CXorf58: variants seen among roughly 807,000 people sequenced by gnomAD.
CXorf58 encodes uncharacterized protein CXorf58.
Under a neutral mutation model 26.0 loss-of-function variants are expected in CXorf58, and 24 were observed. The ratio of observed to expected loss-of-function variants is 0.92; its 90% CI spans 0.67 to 1.30. The LOEUF (loss-of-function observed/expected upper bound fraction) is 1.30. Among genes scored for constraint, CXorf58 ranks in the 50% most tolerant of loss-of-function variants. CXorf58 has a pLI of 0.00. For synonymous variants in CXorf58, 87 were observed against 86.1 expected, an observed-to-expected ratio of 1.01 and a Z score of -0.06; for missense variants, 236 against 263.9, an observed-to-expected ratio of 0.89 and a Z score of 0.73.
intron 7 of CXorf58, among the ~76,000 whole-genome samples, chrX:23,938,124 G>A (rs961296631): frequency 9.1e-6 from 1 of 110,418 alleles, no homozygotes; most frequent in Non-Finnish European, 1.9e-5. Context: ...CTGACCTCAG[G>A]TGATCCGCTT....
intron 2 of CXorf58, among the ~76,000 whole-genome samples, chrX:23,910,750 T>A (rs1927553364): frequency 1.0e-5 from 1 of 100,486 alleles, no homozygotes; most frequent in Admixed American, 1.2e-4. Flanking sequence ...CACTTCAGGC[T>A]TTTTCCTTTC....
intron 4 of CXorf58, 102 bp downstream of exon 4, chrX:23,915,896 AC>A: frequency 2.0e-6 from 1 of 500,621 alleles, no homozygotes; most frequent in Non-Finnish European, 3.4e-6. Flanking sequence ...GAACTTAATT[AC>A]AAAGTAAATG....
Position 23,911,806 on chromosome X carries a change from C to T in CXorf58, c.166C>T (p.His56Tyr). 1 of 1,204,909 alleles carries T rather than the reference C, an allele frequency of 8.3e-7. No homozygotes were observed. Among genetic ancestry groups the T allele is most frequent in the Non-Finnish European group, 1.1e-6 (1 of 891,168 alleles). Residue 56 changes from histidine to tyrosine, a missense_variant, in exon 3 of 9, where the codon CAT becomes TAT. His to Tyr is a moderately conservative substitution (Grantham distance 83). Coordinates refer to ENST00000379211, the MANE Select transcript of CXorf58 (RefSeq NM_152761.3). ...AQIIQRAWLS[H>Y]TNKMIFRLLK... ...AATAATACAGAGGGCTTGGTTATCTCATACAAACAAAATGATATTTCGACT... is the reference window on the plus strand; with the variant it reads ...AATAATACAGAGGGCTTGGTTATCTTATACAAACAAAATGATATTTCGACT...
intron 5 of CXorf58, among the ~76,000 whole-genome samples, chrX:23,921,956 G>A (rs962427495): frequency 3.6e-5 from 4 of 110,081 alleles, no homozygotes; most frequent in African/African-American, 1.3e-4. Context: ...GCCCACTTCC[G>A]CCTCCCAAAG....
In CXorf58 at chrX:23,916,282, G is replaced by GTTATTAAGTATT; in HGVS notation, c.380_381insTTAAGTATTTTA (p.Tyr127_Lys128insTer). The GTTATTAAGTATT allele has an allele frequency of 1.0e-5, 12 of 1,202,424 alleles. No homozygotes were observed. Among genetic ancestry groups the GTTATTAAGTATT allele is most frequent in the Non-Finnish European group, 1.3e-5 (12 of 889,307 alleles). On this transcript the variant is annotated stop_gained and inframe_insertion, in exon 5 of 9. Coordinates refer to ENST00000379211, the MANE Select transcript of CXorf58 (RefSeq NM_152761.3). LOFTEE classifies it high-confidence loss of function. ...ATTTTTCTTCATACTGATGGCCATG[G>GTTATTAAGTATT]TTACAAGTATTTTAGTGGAAAAAAT...
intron 8 of CXorf58, 80 bp from the exon 9 acceptor site, chrX:23,939,164 A>C (rs1928364398): frequency 3.2e-6 from 2 of 628,586 alleles, no homozygotes; most frequent in Admixed American, 3.1e-5. Flanking sequence ...GATGAGGATA[A>C]ATATAGTCAA....
intron 5 of CXorf58, among the ~76,000 whole-genome samples, chrX:23,920,753 T>C (rs1167745325): frequency 2.9e-4 from 31 of 107,148 alleles, no homozygotes; most frequent in African/African-American, 1.1e-3. Context: ...TAGCCGGGTG[T>C]GGTGGTGGGC....
At chrX:23,924,381 G>C (rs193194899) in intron 5 of CXorf58, among the ~76,000 whole-genome samples, 2 of 109,276 alleles carry the variant, frequency 1.8e-5, no homozygotes. Flanking sequence ...GAGTGCAGTG[G>C]CACAATCTCG....
intron 6 of CXorf58, among the ~76,000 whole-genome samples, chrX:23,933,068 G>A (rs1050482532): frequency 1.2e-4 from 13 of 111,049 alleles, no homozygotes; most frequent in Admixed American, 3.8e-4. Context: ...GGCAGAGGCC[G>A]GAGGATTGCT....
chrX:23,932,310 C>T (rs1928181604), intron 6 of CXorf58, among the ~76,000 whole-genome samples: 1 of 112,066 alleles, frequency 8.9e-6, no homozygotes, highest in Admixed American at 9.5e-5. Context: ...TAGCCACTTT[C>T]CTCATTTATG....
chrX:23,931,518 G>C (rs1296203442), intron 6 of CXorf58, among the ~76,000 whole-genome samples: 2 of 112,277 alleles, frequency 1.8e-5, no homozygotes, highest in Non-Finnish European at 3.8e-5. Context: ...ATAAGTGGCA[G>C]AGCAGATGAT....
chrX:23,926,949 G>T (rs1444718978), intron 5 of CXorf58, among the ~76,000 whole-genome samples: 1 of 111,459 alleles, frequency 9.0e-6, no homozygotes, highest in Non-Finnish European at 1.9e-5. Flanking sequence ...AACCCAGGAG[G>T]TGGAGGTTGC....
At chrX:23,922,957 G>A (rs1456564842) in intron 5 of CXorf58, among the ~76,000 whole-genome samples, 1 of 112,012 alleles carries the variant, frequency 8.9e-6, no homozygotes, top group African/African-American at 3.2e-5. Flanking sequence ...GCCAGATTTA[G>A]AGATGGCCCG....
intron 2 of CXorf58, 116 bp from the exon 3 acceptor site, chrX:23,911,641 A>G: frequency 2.3e-6 from 1 of 433,069 alleles, no homozygotes; most frequent in Non-Finnish European, 4.0e-6. Flanking sequence ...TCATTAGGTC[A>G]GTCTTAGAGT....
At chrX:23,933,344 T>C (rs1451382252) in intron 6 of CXorf58, among the ~76,000 whole-genome samples, 1 of 111,297 alleles carries the variant, frequency 9.0e-6, no homozygotes, top group Non-Finnish European at 1.9e-5. Context: ...CTGTAGCTCC[T>C]CCTGCCCTAT....
intron 5 of CXorf58, among the ~76,000 whole-genome samples, chrX:23,925,339 CTTTT>C (rs1282486931): frequency 3.9e-5 from 4 of 102,568 alleles, no homozygotes; most frequent in South Asian, 4.1e-4. Flanking sequence ...ACCACTCTTT[CTTTT>C]CTCTTTTTTT....
intron 6 of CXorf58, among the ~76,000 whole-genome samples, chrX:23,932,072 C>T (rs1261545031): frequency 8.9e-6 from 1 of 112,275 alleles, no homozygotes; most frequent in Non-Finnish European, 1.9e-5. Flanking sequence ...GAAAAAATAA[C>T]TTACCAAGAG....
intron 5 of CXorf58, among the ~76,000 whole-genome samples, chrX:23,918,796 GTCTT>G (rs1927792762): frequency 8.9e-6 from 1 of 112,093 alleles, no homozygotes; most frequent in African/African-American, 3.2e-5. Flanking sequence ...GTCTGAGAAA[GTCTT>G]TATTTCTCCT....
chrX:23,908,215 C>T lies in CXorf58; in HGVS notation c.-135C>T, dbSNP rs953094955. ...CGGTTGGCGGCCTGGATTTACCTTA[C>T]GAAAGGTTTTAACCAAGGACTTGAG... On this transcript the variant is annotated 5_prime_UTR_variant, in exon 1 of 9. The change creates a new upstream start codon in the 5' untranslated region. Transcript: ENST00000379211. 2 of 113,515 alleles carry T rather than the reference C, an allele frequency of 1.8e-5. No individual in the cohort carries two copies. The highest frequency in any genetic ancestry group is 3.2e-5 in the African/African-American group (1 of 31,156). 9.4% of individuals were successfully genotyped at this position (113,515 alleles called of 1,213,427 possible).
Sources: allele counts gnomAD v4.1 joint callset (sites outside exome capture counted in the v4.1 genomes callset), GRCh38; gene constraint gnomAD v4.1.1; transcripts MANE v1.5; gene names NCBI Gene and HGNC (gene_info 2026-07-23, HGNC 2026-07-21).